Variants in RBM20 observed in about 807,000 individuals in gnomAD.
The protein encoded by RBM20 is RNA-binding protein 20.
RBM20 carries 51 observed loss-of-function variants against 110.1 expected under a neutral mutation model. The observed-to-expected ratio is 0.46, with a 90% CI of 0.37 to 0.59. The LOEUF (loss-of-function observed/expected upper bound fraction) is 0.59, where lower values mean the gene tolerates loss of function less well. Among genes scored for constraint, RBM20 ranks in the 20% least tolerant of loss-of-function variants. The pLI is 0.00. For synonymous variants in RBM20, 589 were observed against 618.2 expected (o/e 0.95, Z 0.70); for missense variants, 1,512 against 1,574.9 (o/e 0.96, Z 0.68).
At position 110,734,421 on chromosome 10, in the gene RBM20, T is replaced by C. The variant is rs79957273; in HGVS notation, c.192-46380T>C. 1.4e-3 allele frequency among the ~76,000 whole-genome samples: 211 copies of C among 152,354 alleles called. 4 individuals carry two copies. The East Asian group carries it at 0.038, about 28-fold the overall frequency. On this transcript the variant is annotated intron_variant, in intron 1 of 13. Coordinates refer to ENST00000369519, the MANE Select transcript of RBM20 (RefSeq NM_001134363.3). ...CATTTGTAACTTTTAAGTCATTTACTTTCAGATACAGTTTTGAGTATTCTT... is the reference window on the plus strand; with the variant it reads ...CATTTGTAACTTTTAAGTCATTTACCTTCAGATACAGTTTTGAGTATTCTT...
At position 110,836,002 on chromosome 10, in the gene RBM20, C is replaced by A; in HGVS notation, c.*24C>A. ...GATGCTTCTGCTTCTGCTGCTACTGCTGCTGCTGCAAGGTTGGAAAGGAGA... is the reference window on the plus strand; with the variant it reads ...GATGCTTCTGCTTCTGCTGCTACTGATGCTGCTGCAAGGTTGGAAAGGAGA... On this transcript the variant is annotated 3_prime_UTR_variant, in exon 14 of 14. Transcript: ENST00000369519. 1.1e-6 allele frequency: 1 copy of A among 907,416 alleles called. No individual in the cohort carries two copies. Among genetic ancestry groups the A allele is most frequent in the Non-Finnish European group, 1.7e-6 (1 of 579,116 alleles). The allele number at this position is 907,416 out of a possible 1,614,324, so 56.2% of individuals were successfully genotyped here.
intron 1 of RBM20, among the ~76,000 whole-genome samples, chr10:110,741,362 C>T (rs1014850194): frequency 1.3e-5 from 2 of 152,172 alleles, no homozygotes; most frequent in African/African-American, 4.8e-5. Context: ...TCCTGAGCTC[C>T]AGATGTCAGT....
intron 1 of RBM20, among the ~76,000 whole-genome samples, chr10:110,676,271 C>T (rs535428432): frequency 4.1e-4 from 63 of 152,340 alleles, no homozygotes; most frequent in African/African-American, 1.3e-3. Flanking sequence ...CCAGTGTCCT[C>T]GCTCTGCTGG....
intron 1 of RBM20, among the ~76,000 whole-genome samples, chr10:110,738,820 G>A (rs370696007): frequency 6.6e-5 from 10 of 152,150 alleles, no homozygotes; most frequent in African/African-American, 2.4e-4. Context: ...AGGAGGTGGC[G>A]AGGCTGACAT....
intron 2 of RBM20, 114 bp downstream of exon 2, chr10:110,781,998 TTTTGCCATCAG>T: frequency 1.5e-6 from 2 of 1,329,662 alleles, no homozygotes; most frequent in Non-Finnish European, 2.1e-6. Context: ...GGTAACAGAA[TTTTGCCATCAG>T]TATTCTTGAC....
At chr10:110,653,715 T>C (rs1353588743) in intron 1 of RBM20, among the ~76,000 whole-genome samples, 1 of 151,934 alleles carries the variant, frequency 6.6e-6, no homozygotes, top group East Asian at 1.9e-4. Flanking sequence ...ACCACCACGC[T>C]CTCCTAATTT....
At chr10:110,709,191 A>C (rs1862885999) in intron 1 of RBM20, among the ~76,000 whole-genome samples, 1 of 152,010 alleles carries the variant, frequency 6.6e-6, no homozygotes, top group South Asian at 2.1e-4. Context: ...TGGATTCTAA[A>C]CCCTTGTTGA....
At chr10:110,684,691 T>C (rs1450821494) in intron 1 of RBM20, among the ~76,000 whole-genome samples, 1 of 152,230 alleles carries the variant, frequency 6.6e-6, no homozygotes, top group African/African-American at 2.4e-5. Flanking sequence ...GGCATGCTGT[T>C]CCTACTTAAC....
intron 1 of RBM20, among the ~76,000 whole-genome samples, chr10:110,728,529 G>A (rs918751059): frequency 5.3e-5 from 8 of 152,136 alleles, no homozygotes; most frequent in Non-Finnish European, 8.8e-5. Flanking sequence ...GTCAAGGTGA[G>A]GGGGAGTGAC....
intron 1 of RBM20, 50 bp from the exon 2 acceptor site, chr10:110,780,751 C>G (rs1234783460): frequency 1.4e-6 from 2 of 1,466,334 alleles, no homozygotes; most frequent in Non-Finnish European, 9.0e-7. Context: ...CAGCCCCTTG[C>G]CCCCCTCATT....
intron 1 of RBM20, among the ~76,000 whole-genome samples, chr10:110,743,579 A>ACATG (rs1274952608): frequency 1.3e-5 from 2 of 152,016 alleles, no homozygotes; most frequent in Non-Finnish European, 2.9e-5. Flanking sequence ...AGAGGCACAC[A>ACATG]CATGCATGCA....
At chr10:110,694,763 GA>G (rs1862636899) in intron 1 of RBM20, among the ~76,000 whole-genome samples, 1 of 152,180 alleles carries the variant, frequency 6.6e-6, no homozygotes, top group African/African-American at 2.4e-5. Flanking sequence ...AGTTCAGTTA[GA>G]ACATACCTTA....
At chr10:110,679,807 T>C (rs1029617551) in intron 1 of RBM20, among the ~76,000 whole-genome samples, 2 of 152,202 alleles carry the variant, frequency 1.3e-5, no homozygotes, top group Non-Finnish European at 2.9e-5. Context: ...CTAGCCCTGA[T>C]GGACTGGGGC....
chr10:110,681,209 G>A (rs1862419175), intron 1 of RBM20, among the ~76,000 whole-genome samples: 1 of 152,124 alleles, frequency 6.6e-6, no homozygotes, highest in Admixed American at 6.5e-5. Flanking sequence ...GGAATCCCAG[G>A]GACACACTGT....
chr10:110,644,613 G>A lies in RBM20; in HGVS notation c.159G>A (p.Pro53=). ...CGCCGCCGCCCCAGCCACCGCCCCC[G>A]CCCCAAGCCGGCCTACCCCAGATCA... ...QPPPPPQPPP[P]PQAGLPQIIQ... is the part of the protein sequence containing the mutation. The change falls in exon 1 of 14, where the codon CCG becomes CCA. Residue 53 remains proline, a synonymous_variant. Coordinates refer to ENST00000369519, the MANE Select transcript of RBM20 (RefSeq NM_001134363.3). The surrounding 1 kb of genome is among the most constrained non-coding windows in gnomAD (Gnocchi z 4.3). The A allele has an allele frequency of 1.2e-6, 1 of 810,952 alleles. No individual in the cohort carries two copies. Among genetic ancestry groups the A allele is most frequent in the Non-Finnish European group, 1.8e-6 (1 of 550,720 alleles). 50.2% of individuals were successfully genotyped at this position (810,952 alleles called of 1,614,324 possible).
In RBM20 at chr10:110,781,788, C is replaced by T. The variant is rs200588338; in HGVS notation, c.1179C>T (p.Pro393=). ...ACCAGGCGTTGCTATCTGTGCGGCC[C>T]CTGCAGGCTCATGAGCTGAACGACT... is the stretch of plus-strand genomic sequence containing the variant. ...KEDQALLSVR[P]LQAHELNDFH... The change falls in exon 2 of 14, where the codon CCC becomes CCT. Residue 393 remains proline (P), a synonymous_variant. Coordinates refer to ENST00000369519, the MANE Select transcript of RBM20 (RefSeq NM_001134363.3). 1.4e-3 allele frequency: 2,148 copies of T among 1,551,698 alleles called. 2 individuals carry two copies. Among genetic ancestry groups the T allele is most frequent in the Non-Finnish European group, 1.7e-3 (1,973 of 1,147,024 alleles).
At chr10:110,808,307 G>C (rs1313831586) in intron 7 of RBM20, among the ~76,000 whole-genome samples, 1 of 152,238 alleles carries the variant, frequency 6.6e-6, no homozygotes, top group East Asian at 1.9e-4. Context: ...ACACCAACAG[G>C]CTTGGCTTCT....
chr10:110,697,024 T>G (rs1429056944), intron 1 of RBM20, among the ~76,000 whole-genome samples: 1 of 152,214 alleles, frequency 6.6e-6, no homozygotes, highest in Admixed American at 6.5e-5. Context: ...GTTGGGGACT[T>G]TTTTAGACTA....
At chr10:110,802,724 T>A (rs1050060166) in intron 7 of RBM20, among the ~76,000 whole-genome samples, 9 of 152,226 alleles carry the variant, frequency 5.9e-5, no homozygotes, top group African/African-American at 1.2e-4. Context: ...CACTGAGTGC[T>A]CACCGTGGGT....
Sources: allele counts gnomAD v4.1 joint callset (sites outside exome capture counted in the v4.1 genomes callset), GRCh38; gene constraint gnomAD v4.1.1; non-coding constraint Gnocchi (gnomAD v3.1); transcripts MANE v1.5; gene names NCBI Gene and HGNC (gene_info 2026-07-23, HGNC 2026-07-21).